The following ROBO1 variants were observed in gnomAD, a reference collection of about 807,000 sequenced individuals.
The protein encoded by ROBO1 is roundabout homolog 1.
ROBO1 carries 149 observed loss-of-function variants against 195.9 expected under a neutral mutation model. The observed-to-expected ratio is 0.76, with a 90% confidence interval of 0.67 to 0.87. The LOEUF is 0.87. Among genes scored for constraint, ROBO1 ranks in the 40% least tolerant of loss-of-function variants. The pLI, the probability that ROBO1 is intolerant of heterozygous loss-of-function variation, is 0.00. For synonymous variants in ROBO1, 816 were observed against 733.2 expected (o/e 1.11, Z -1.82); for missense variants, 1,933 against 2,068.3 (o/e 0.93, Z 1.27).
At chr3:79,226,581 C>T (rs536725424) in intron 2 of ROBO1, among the ~76,000 whole-genome samples, 1 of 151,014 alleles carries the variant, frequency 6.6e-6, no homozygotes, top group African/African-American at 2.4e-5. Context: ...CCCTCTGTCA[C>T]CCAGTCTGGA....
chr3:78,620,170 G>A (rs1704370025), intron 26 of ROBO1, among the ~76,000 whole-genome samples: 1 of 151,946 alleles, frequency 6.6e-6, no homozygotes, highest in Admixed American at 6.6e-5. Flanking sequence ...CTATAGAGAG[G>A]GAAAAATAAC....
At chr3:79,145,406 G>T (rs1234239054) in intron 2 of ROBO1, among the ~76,000 whole-genome samples, 5 of 141,662 alleles carry the variant, frequency 3.5e-5, no homozygotes, top group Non-Finnish European at 6.3e-5. Context: ...CACACACACA[G>T]ACATAAATAA....
chr3:78,830,123 A>C (rs2032021315), intron 4 of ROBO1, among the ~76,000 whole-genome samples: 1 of 152,322 alleles, frequency 6.6e-6, no homozygotes, highest in Middle Eastern at 3.4e-3. Context: ...TGATGGCTAG[A>C]GACAAAAGCT....
At chr3:78,904,931 T>C (rs1427141655) in intron 4 of ROBO1, among the ~76,000 whole-genome samples, 1 of 151,966 alleles carries the variant, frequency 6.6e-6, no homozygotes, top group African/African-American at 2.4e-5. Context: ...ACTATACCAA[T>C]ATCATGGAAT....
intron 2 of ROBO1, among the ~76,000 whole-genome samples, chr3:79,520,687 G>A (rs905558574): frequency 1.3e-5 from 2 of 152,044 alleles, no homozygotes; most frequent in African/African-American, 2.4e-5. Context: ...GAGATTACAC[G>A]GATGATATAA....
chr3:79,060,331 A>G (rs542530481), intron 3 of ROBO1, among the ~76,000 whole-genome samples: 58 of 151,972 alleles, frequency 3.8e-4, no homozygotes, highest in African/African-American at 1.4e-3. Context: ...TGCCCGTGTG[A>G]TATTTTATTG....
In ROBO1 at chr3:78,997,379, T is replaced by C. The variant is rs560735464; in HGVS notation, c.173-58452A>G. 1.3e-4 allele frequency among the ~76,000 whole-genome samples: 20 copies of C among 152,298 alleles called. No individual in the cohort carries two copies. The South Asian group carries it at 4.1e-3, about 32-fold the overall frequency. ...GAAAAACGTGGGTTGTTTGGTTTGG[T>C]ATGATTTTGGTATTCACCGAGTAGA... On this transcript the variant is annotated intron_variant, in intron 3 of 30. Transcript: ENST00000464233.
At chr3:79,395,966 A>G (rs2037140130) in intron 2 of ROBO1, among the ~76,000 whole-genome samples, 2 of 152,152 alleles carry the variant, frequency 1.3e-5, no homozygotes, top group African/African-American at 4.8e-5. Context: ...AAGGAAGGAC[A>G]TGGAAGGGAT....
intron 1 of ROBO1, among the ~76,000 whole-genome samples, chr3:79,743,406 A>G (rs1170248354): frequency 6.6e-6 from 1 of 152,350 alleles, no homozygotes; most frequent in South Asian, 2.1e-4. Flanking sequence ...GGCACTTACC[A>G]TGAATGGAGT....
chr3:79,660,154 C>T (rs6771093), intron 1 of ROBO1, among the ~76,000 whole-genome samples: 1 of 151,456 alleles, frequency 6.6e-6, no homozygotes, highest in Non-Finnish European at 1.5e-5. Flanking sequence ...ATATTGCATC[C>T]GACTAGGGAA....
At chr3:79,418,444 C>A (rs1008819327) in intron 2 of ROBO1, among the ~76,000 whole-genome samples, 30 of 151,958 alleles carry the variant, frequency 2.0e-4, no homozygotes, top group African/African-American at 6.8e-4. Context: ...TATTGTGTCC[C>A]TAATGCCATG....
At chr3:78,693,421 A>G in intron 8 of ROBO1, 1 of 1,175,758 alleles carries the variant, frequency 8.5e-7, no homozygotes, top group East Asian at 2.6e-5. Flanking sequence ...AATGAAACAG[A>G]AAAGTAATAA....
At chr3:79,112,452 A>G (rs2079903943) in intron 3 of ROBO1, among the ~76,000 whole-genome samples, 1 of 152,162 alleles carries the variant, frequency 6.6e-6, no homozygotes, top group Non-Finnish European at 1.5e-5. Flanking sequence ...TCAATCCAAA[A>G]TGGTCGTAGC....
At chr3:79,507,791 A>C (rs1940481819) in intron 2 of ROBO1, 1 of 154,700 alleles carries the variant, frequency 6.5e-6, no homozygotes, top group African/African-American at 2.4e-5. Context: ...GGTCCCTTCA[A>C]AATTCATATG....
At chr3:78,838,736 A>G (rs565998822) in intron 4 of ROBO1, among the ~76,000 whole-genome samples, 2 of 152,316 alleles carry the variant, frequency 1.3e-5, no homozygotes, top group African/African-American at 4.8e-5. Flanking sequence ...TCAAAGTCCA[A>G]CATTAGCCTT....
intron 3 of ROBO1, among the ~76,000 whole-genome samples, chr3:79,098,092 C>A (rs1025363607): frequency 2.6e-5 from 4 of 151,588 alleles, no homozygotes; most frequent in Admixed American, 6.6e-5. Flanking sequence ...TGACTGAGAA[C>A]CAAAAAAGAA....
intron 3 of ROBO1, among the ~76,000 whole-genome samples, chr3:79,029,463 G>A (rs918921379): frequency 7.9e-5 from 12 of 152,098 alleles, no homozygotes; most frequent in Non-Finnish European, 1.8e-4. Context: ...ATACTGGAAT[G>A]TAGAGAACAC....
chr3:78,660,862 C>T (rs1324106947), intron 16 of ROBO1, 168 bp downstream of exon 16: 2 of 569,426 alleles, frequency 3.5e-6, no homozygotes, highest in African/African-American at 1.9e-5. Flanking sequence ...TAGCATTTTG[C>T]TTTTCTAGTT....
intron 2 of ROBO1, among the ~76,000 whole-genome samples, chr3:79,229,023 C>T (rs1355259820): frequency 6.6e-6 from 1 of 151,960 alleles, no homozygotes; most frequent in Non-Finnish European, 1.5e-5. Flanking sequence ...TTTCAAAAAT[C>T]TAATTTATAA....
Sources: gnomAD v4.1 joint callset for allele counts (sites outside exome capture counted in the v4.1 genomes callset) on GRCh38, gnomAD v4.1.1 for gene constraint, MANE v1.5 for transcripts, NCBI Gene and HGNC (gene_info 2026-07-23, HGNC 2026-07-21) for gene names.